The following TCF7 variants were observed in gnomAD, a reference collection of about 807,000 sequenced individuals.
TCF7 encodes the protein T-cell-factor-7.
In TCF7, 19 loss-of-function variants were observed where a neutral mutation model predicts 46.8. The observed-to-expected ratio is 0.41, with a 90% confidence interval of 0.28 to 0.60. The LOEUF (loss-of-function observed/expected upper bound fraction) is 0.60. TCF7 is among the 20% of genes least tolerant of loss of function. The probability of loss-of-function intolerance (pLI) is 0.35; values close to 1 mark genes in which losing one functional copy is unlikely to be tolerated. For synonymous variants in TCF7, 245 were observed against 213.4 expected (o/e 1.15, Z -1.29); for missense variants, 547 against 504.6 (o/e 1.08, Z -0.81).
intron 3 of TCF7, among the ~76,000 whole-genome samples, chr5:134,125,670 T>G (rs942326839): frequency 2.6e-5 from 4 of 152,212 alleles, no homozygotes; most frequent in Non-Finnish European, 5.9e-5. Flanking sequence ...GGAACCATCT[T>G]ACAGAAGAGG....
upstream of TCF7, among the ~76,000 whole-genome samples, chr5:134,113,084 G>A (rs1755366425): frequency 6.6e-6 from 1 of 152,146 alleles, no homozygotes; most frequent in African/African-American, 2.4e-5. Flanking sequence ...CTGAACTCCC[G>A]TCCCTGTACC....
chr5:134,110,119 T>A (rs1021934950), upstream of TCF7, among the ~76,000 whole-genome samples: 6 of 152,176 alleles, frequency 3.9e-5, no homozygotes, highest in East Asian at 1.2e-3. Context: ...AAATAACCCA[T>A]GGGAATAGTC....
rs1292079344 is a variant in TCF7 at position 134,146,449 on chromosome 5, C to T, written c.*146C>T. On this transcript the variant is annotated 3_prime_UTR_variant, in exon 10 of 10. Coordinates refer to ENST00000342854, the MANE Select transcript of TCF7 (RefSeq NM_003202.5). ...CTCTCAGCCTCCCAACCCCAGGGCC[C>T]CCACAGGCCCCCCGCAGCACCCTGC... 3.3e-6 allele frequency: 3 copies of T among 905,908 alleles called. No homozygotes were observed. The highest frequency in any genetic ancestry group is 2.7e-5 in the South Asian group (2 of 74,914). The allele number at this position is 905,908 out of a possible 1,614,324, so 56.1% of individuals were successfully genotyped here.
intron 3 of TCF7, among the ~76,000 whole-genome samples, chr5:134,117,268 G>T (rs1393582755): frequency 2.0e-5 from 3 of 152,234 alleles, no homozygotes; most frequent in Non-Finnish European, 4.4e-5. Flanking sequence ...CTGTGAGATG[G>T]GGGGTGTGCC....
upstream of TCF7, among the ~76,000 whole-genome samples, chr5:134,113,372 T>C (rs566929052): frequency 4.5e-3 from 681 of 152,184 alleles, 2 homozygotes; most frequent in Non-Finnish European, 7.4e-3. Context: ...ACAGATAGGA[T>C]CTGAACACAG....
intron 1 of TCF7, 46 bp from the exon 2 acceptor site, chr5:134,115,264 TCGGCCCCGACC>T: frequency 2.7e-6 from 4 of 1,474,316 alleles, no homozygotes; most frequent in Non-Finnish European, 3.6e-6. Context: ...TGCCCCGGCG[TCGGCCCCGACC>T]CCCGCGGTCC....
At chr5:134,115,561 T>C in intron 2 of TCF7, 174 bp downstream of exon 2, 1 of 1,438,916 alleles carries the variant, frequency 6.9e-7, no homozygotes. Flanking sequence ...CCGGGTCGAG[T>C]CACTTCCGGT....
chr5:134,135,470 T>A (rs928275612), intron 3 of TCF7, among the ~76,000 whole-genome samples: 1 of 152,044 alleles, frequency 6.6e-6, no homozygotes, highest in African/African-American at 2.4e-5. Flanking sequence ...AAGGAGGAAG[T>A]GGTGGGATTC....
At chr5:134,142,478 G>A (rs889054629) in intron 6 of TCF7, among the ~76,000 whole-genome samples, 174 bp downstream of exon 6, 1 of 152,124 alleles carries the variant, frequency 6.6e-6, no homozygotes, top group African/African-American at 2.4e-5. Context: ...GGATTTTTCT[G>A]AGCCAACAGA....
rs999116866 is a variant in TCF7, at chr5:134,139,021, C to A, written c.618C>A (p.Leu206=). Residue 206 remains leucine, a synonymous_variant, in exon 5 of 10, where the codon CTC becomes CTA. Coordinates refer to ENST00000342854, the MANE Select transcript of TCF7 (RefSeq NM_003202.5). ...YSLTSGSMGQ[L]PHTVSWFTHP... ...TGACCTCAGGCAGCATGGGGCAGCT[C>A]CCCCACACTGTGAGCTGGTGAGTGT... The A allele has an allele frequency of 6.2e-7, 1 of 1,613,692 alleles. No individual in the cohort carries two copies.
chr5:134,143,480 AGGAGG>A (rs775075133), intron 8 of TCF7, 107 bp from the exon 9 acceptor site: 8 of 1,271,224 alleles, frequency 6.3e-6, no homozygotes, highest in Non-Finnish European at 9.2e-6. Flanking sequence ...ACCCCAAGGT[AGGAGG>A]GGCCTGTACG....
At chr5:134,109,630 C>T in the TCF7 span, among the ~76,000 whole-genome samples, 1 of 152,020 alleles carries the variant, frequency 6.6e-6, no homozygotes, top group African/African-American at 2.4e-5. Context: ...ATTAGCCGAG[C>T]GTGGTGGCAG....
intron 3 of TCF7, among the ~76,000 whole-genome samples, chr5:134,127,695 A>G (rs1316312197): frequency 6.6e-6 from 1 of 152,218 alleles, no homozygotes; most frequent in Non-Finnish European, 1.5e-5. Context: ...GGGCACGTTG[A>G]GGGCAGTTTC....
At chr5:134,130,422 G>A (rs1177263456) in intron 3 of TCF7, among the ~76,000 whole-genome samples, 1 of 152,214 alleles carries the variant, frequency 6.6e-6, no homozygotes, top group Non-Finnish European at 1.5e-5. Flanking sequence ...GTGCAAAGAA[G>A]GAAAGTGAGA....
chr5:134,108,486 C>T, the TCF7 span, among the ~76,000 whole-genome samples: 12 of 152,296 alleles, frequency 7.9e-5, no homozygotes, highest in African/African-American at 2.9e-4. Context: ...ACCCTGCCCA[C>T]CACATCCCGT....
upstream of TCF7, among the ~76,000 whole-genome samples, chr5:134,113,732 C>A (rs1035208718): frequency 6.6e-6 from 1 of 152,246 alleles, no homozygotes; most frequent in African/African-American, 2.4e-5. Context: ...CATACAGATG[C>A]GCTGGAATCC....
chr5:134,132,007 T>C lies in TCF7; in HGVS notation c.442-6052T>C, dbSNP rs545333769. 2.0e-5 allele frequency among the ~76,000 whole-genome samples: 3 copies of C among 152,280 alleles called. No homozygotes were observed. The East Asian group carries it at 5.8e-4, about 29-fold the overall frequency. On this transcript the variant is annotated intron_variant, in intron 3 of 9. Coordinates refer to ENST00000342854, the MANE Select transcript of TCF7 (RefSeq NM_003202.5). ...CCCAGGGGTCCTAAAACTTGGAGCA[T>C]TTTTCAGGTTAGGGAAGCACTGGTT...
chr5:134,139,078 G>T, intron 5 of TCF7, 40 bp downstream of exon 5: 1 of 1,609,232 alleles, frequency 6.2e-7, no homozygotes, highest in South Asian at 1.1e-5. Flanking sequence ...CCGTGTGCTG[G>T]TCAGACCAAG....
intron 3 of TCF7, among the ~76,000 whole-genome samples, chr5:134,130,212 C>T (rs1465906118): frequency 6.6e-6 from 1 of 152,246 alleles, no homozygotes; most frequent in Non-Finnish European, 1.5e-5. Context: ...GCCCACAAAT[C>T]GAGGCCTGGT....
Sources: gnomAD v4.1 joint callset for allele counts (sites outside exome capture counted in the v4.1 genomes callset) on GRCh38, gnomAD v4.1.1 for gene constraint, MANE v1.5 for transcripts, NCBI Gene and HGNC (gene_info 2026-07-23, HGNC 2026-07-21) for gene names.